The following PPP1R1C variants were observed in gnomAD, a reference collection of about 807,000 sequenced individuals.
PPP1R1C encodes the protein protein phosphatase 1 regulatory inhibitor subunit 1C, also known as protein phosphatase 1 regulatory subunit 1C.
Under a neutral mutation model 17.4 loss-of-function variants are expected in PPP1R1C, and 15 were observed. That is an observed-to-expected ratio of 0.86 (90% CI 0.58 to 1.33). The LOEUF is 1.33. Ranked by LOEUF, PPP1R1C falls within the 40% of genes most tolerant of loss-of-function variation. PPP1R1C has a pLI of 0.00. For missense variants in PPP1R1C, 143 were observed against 130.0 expected (o/e 1.10, Z -0.48); for synonymous variants, 35 against 43.1 (o/e 0.81, Z 0.73).
chr2:181,972,332 T>C (rs535282734), intron 1 of PPP1R1C, among the ~76,000 whole-genome samples: 1 of 152,322 alleles, frequency 6.6e-6, no homozygotes, highest in South Asian at 2.1e-4. Flanking sequence ...AAATGTGTGA[T>C]GTACGAAAAA....
chr2:181,977,048 A>C, intron 2 of PPP1R1C, among the ~76,000 whole-genome samples: 1 of 146,472 alleles, frequency 6.8e-6, no homozygotes, highest in East Asian at 2.1e-4. Context: ...GAGGCATGAG[A>C]ATCACTTGAA....
At chr2:182,008,089 A>AAT (rs1553502670) in intron 2 of PPP1R1C, among the ~76,000 whole-genome samples, 4 of 7,544 alleles carry the variant, frequency 5.3e-4, no homozygotes, top group Non-Finnish European at 2.9e-3. Flanking sequence ...ACAAATAAAT[A>AAT]AAAAAATAAA....
chr2:182,008,176 T>C (rs577043607), intron 2 of PPP1R1C, among the ~76,000 whole-genome samples: 1 of 152,336 alleles, frequency 6.6e-6, no homozygotes, highest in Non-Finnish European at 1.5e-5. Flanking sequence ...TGAATTGTAT[T>C]ATGCTTGATG....
At chr2:182,068,991 G>A (rs1266818647) in intron 4 of PPP1R1C, among the ~76,000 whole-genome samples, 4 of 152,074 alleles carry the variant, frequency 2.6e-5, no homozygotes, top group Admixed American at 6.5e-5. Context: ...CTCATTACCC[G>A]TCGCACATTG....
chr2:182,065,386 A>G (rs1294008869), intron 4 of PPP1R1C, among the ~76,000 whole-genome samples: 1 of 152,182 alleles, frequency 6.6e-6, no homozygotes. Flanking sequence ...ATATTTTAAG[A>G]CAAAATGAAG....
downstream of PPP1R1C, among the ~76,000 whole-genome samples, chr2:182,120,791 A>G (rs182635074): frequency 8.7e-4 from 133 of 152,214 alleles, no homozygotes; most frequent in African/African-American, 3.0e-3. Context: ...ATTTTGTAAC[A>G]TCATTTAGGG....
chr2:182,012,339 C>G (rs1574375963), intron 2 of PPP1R1C, among the ~76,000 whole-genome samples: 1 of 151,896 alleles, frequency 6.6e-6, no homozygotes, highest in Non-Finnish European at 1.5e-5. Flanking sequence ...TAAACTGACC[C>G]CTTCATCATT....
intron 2 of PPP1R1C, among the ~76,000 whole-genome samples, chr2:182,039,691 GT>G (rs1268664341): frequency 6.6e-6 from 1 of 152,074 alleles, no homozygotes; most frequent in East Asian, 1.9e-4. Flanking sequence ...GGCACAAGGG[GT>G]TTTTGGTTAC....
In PPP1R1C at chr2:181,968,600, G is replaced by T. The variant is rs118067738; in HGVS notation, n.112-6619G>T. 1.1e-3 allele frequency among the ~76,000 whole-genome samples: 167 copies of T among 152,196 alleles called. 4 individuals carry two copies. The East Asian group carries it at 0.029, about 26-fold the overall frequency. ...ATGTGTATTTTTATAGGTGGAGTGT[G>T]TTTCCTGTAGGGAACAGATAATTGG... On this transcript the variant is annotated intron_variant and non_coding_transcript_variant, in intron 1 of 5. Transcript: ENST00000464264.
chr2:181,974,332 A>G (rs955657723), intron 1 of PPP1R1C, among the ~76,000 whole-genome samples: 3 of 152,326 alleles, frequency 2.0e-5, no homozygotes, highest in Non-Finnish European at 4.4e-5. Context: ...TAAATTCCAA[A>G]TTGGATTCCA....
chr2:182,080,028 G>A (rs1688428593), intron 4 of PPP1R1C, among the ~76,000 whole-genome samples: 1 of 152,190 alleles, frequency 6.6e-6, no homozygotes, highest in African/African-American at 2.4e-5. Context: ...TGTTCCAAGT[G>A]GACATGAATT....
At chr2:182,059,003 G>A (rs892791389) in intron 2 of PPP1R1C, among the ~76,000 whole-genome samples, 1 of 151,974 alleles carries the variant, frequency 6.6e-6, no homozygotes, top group African/African-American at 2.4e-5. Flanking sequence ...GGAGACGCTG[G>A]GTGTTTGTAG....
intron 2 of PPP1R1C, among the ~76,000 whole-genome samples, chr2:181,997,090 G>A (rs573514647): frequency 3.9e-4 from 60 of 152,166 alleles, no homozygotes; most frequent in Middle Eastern, 3.4e-3. Flanking sequence ...TTAGCTGGGC[G>A]CGGTGGCGGG....
chr2:182,066,940 T>G (rs1238041588), intron 4 of PPP1R1C, among the ~76,000 whole-genome samples: 1 of 138,516 alleles, frequency 7.2e-6, no homozygotes, highest in Non-Finnish European at 1.5e-5. Flanking sequence ...TATCCCAATT[T>G]TGTGTGTGTG....
chr2:181,961,913 G>A lies in PPP1R1C; in HGVS notation n.111+7279G>A. ...GGCAGCCAAGTGACATTGGTCATCA[G>A]TGACCTTGTGGAGCCCATGGATGTC... On this transcript the variant is annotated intron_variant and non_coding_transcript_variant, in intron 1 of 5. Coordinates refer to the PPP1R1C transcript ENST00000464264. The surrounding 1 kb of genome is among the most constrained non-coding windows in gnomAD (Gnocchi z 5.8). 1.3e-6 allele frequency: 1 copy of A among 749,988 alleles called. No homozygotes were observed. The highest frequency in any genetic ancestry group is 1.3e-5 in the South Asian group (1 of 74,322). 46.5% of individuals were successfully genotyped at this position (749,988 alleles called of 1,614,324 possible).
At chr2:181,982,318 G>A (rs1176744598), upstream of PPP1R1C, among the ~76,000 whole-genome samples, 3 of 152,250 alleles carry the variant, frequency 2.0e-5, no homozygotes, top group East Asian at 5.8e-4. Context: ...CTAACAGCAA[G>A]GTGTAGGGCT....
intron 1 of PPP1R1C, among the ~76,000 whole-genome samples, chr2:181,970,760 G>T (rs1307832078): frequency 2.0e-5 from 3 of 152,078 alleles, no homozygotes. Flanking sequence ...CTATTCTACT[G>T]CAAATGAGCT....
intron 4 of PPP1R1C, among the ~76,000 whole-genome samples, chr2:182,080,724 G>GA (rs66947314): frequency 0.41 from 61,923 of 151,090 alleles, 12,945 homozygotes; most frequent in Middle Eastern, 0.52. Flanking sequence ...GCTTTAAGGG[G>GA]AAAAAAAAAG....
chr2:182,063,075 G>T (rs774335082), intron 3 of PPP1R1C, among the ~76,000 whole-genome samples: 72 of 151,904 alleles, frequency 4.7e-4, no homozygotes, highest in Admixed American at 2.6e-3. Flanking sequence ...CCTGAAATAA[G>T]TTCTTATTTT....
Sources: allele counts gnomAD v4.1 joint callset (sites outside exome capture counted in the v4.1 genomes callset), GRCh38; gene constraint gnomAD v4.1.1; non-coding constraint Gnocchi (gnomAD v3.1); transcripts MANE v1.5; gene names NCBI Gene and HGNC (gene_info 2026-07-23, HGNC 2026-07-21).